PCCA: variants seen among roughly 807,000 people sequenced by gnomAD.
PCCA encodes propionyl-CoA carboxylase subunit alpha.
In PCCA, 74 loss-of-function variants were observed where a neutral mutation model predicts 101.3. That is an observed-to-expected ratio of 0.73 (90% CI 0.61 to 0.89). The LOEUF (loss-of-function observed/expected upper bound fraction) is 0.89. Ranked by LOEUF, PCCA falls within the 40% of genes least tolerant of loss-of-function variation. The probability of loss-of-function intolerance (pLI) is 0.00; values close to 1 mark genes in which losing one functional copy is unlikely to be tolerated. For missense variants in PCCA, 891 were observed against 907.0 expected (o/e 0.98, Z 0.23); for synonymous variants, 294 against 313.6 (o/e 0.94, Z 0.66).
chr13:100,452,932 G>A (rs1037366532), intron 21 of PCCA, among the ~76,000 whole-genome samples: 5 of 152,262 alleles, frequency 3.3e-5, no homozygotes, highest in Middle Eastern at 3.4e-3. Context: ...GGCCTGGCTC[G>A]GTGGCTCGTG....
At chr13:100,456,784 C>T (rs957973747) in intron 21 of PCCA, among the ~76,000 whole-genome samples, 6 of 152,140 alleles carry the variant, frequency 3.9e-5, no homozygotes, top group Admixed American at 1.3e-4. Flanking sequence ...CCAGGAGTTA[C>T]GGGAGGAACA....
At chr13:100,462,516 T>A (rs979687858) in intron 21 of PCCA, among the ~76,000 whole-genome samples, 3 of 152,196 alleles carry the variant, frequency 2.0e-5, no homozygotes, top group Admixed American at 6.5e-5. Flanking sequence ...TAGGCTTATA[T>A]AGTAGCAGAG....
At position 100,503,870 on chromosome 13, in the gene PCCA, T is replaced by C. The variant is rs577583307; in HGVS notation, c.1900-11557T>C. Among the ~76,000 whole-genome samples, 7 of 152,352 alleles carry C rather than the reference T, an allele frequency of 4.6e-5. 1 individual carries two copies. The highest frequency in any genetic ancestry group is 1.7e-4 in the African/African-American group (7 of 41,580). On this transcript the variant is annotated intron_variant, in intron 21 of 23. Transcript: ENST00000376285. ...CTGCAGTGAGCTGTGATCACACTAC[T>C]GCACTCCAGCCTGAGTGACAGAGTG...
intron 20 of PCCA, among the ~76,000 whole-genome samples, chr13:100,444,543 C>T (rs1441769752): frequency 2.0e-5 from 3 of 148,636 alleles, no homozygotes; most frequent in Admixed American, 1.3e-4. Context: ...CCCGGGTTCA[C>T]GCCATTCTCC....
chr13:100,196,450 G>C (rs2058107200), intron 6 of PCCA, among the ~76,000 whole-genome samples: 1 of 152,112 alleles, frequency 6.6e-6, no homozygotes, highest in African/African-American at 2.4e-5. Context: ...CTTAACTTCT[G>C]CCGACAGTTA....
At chr13:100,136,045 A>G (rs2152333219) in intron 4 of PCCA, among the ~76,000 whole-genome samples, 1 of 152,038 alleles carries the variant, frequency 6.6e-6, no homozygotes, top group Admixed American at 6.5e-5. Flanking sequence ...TTTTTTGTTA[A>G]GGATTTTTTA....
chr13:100,281,646 C>T (rs547920776), intron 12 of PCCA, among the ~76,000 whole-genome samples: 6 of 152,332 alleles, frequency 3.9e-5, no homozygotes, highest in African/African-American at 1.4e-4. Flanking sequence ...CTCCATACCA[C>T]ACTTTTATCA....
At chr13:100,416,534 G>A (rs1253506115) in intron 19 of PCCA, among the ~76,000 whole-genome samples, 1 of 150,694 alleles carries the variant, frequency 6.6e-6, no homozygotes, top group Non-Finnish European at 1.5e-5. Flanking sequence ...GTGTGTGTGT[G>A]TGTATGTATT....
intron 22 of PCCA, 63 bp downstream of exon 22, chr13:100,515,630 CG>C (rs1305127615): frequency 3.2e-6 from 5 of 1,580,648 alleles, no homozygotes; most frequent in Non-Finnish European, 4.3e-6. Flanking sequence ...TCCAAAGCGA[CG>C]GCTAACGGCA....
chr13:100,451,605 C>T (rs1047908934), intron 21 of PCCA, among the ~76,000 whole-genome samples: 40 of 151,946 alleles, frequency 2.6e-4, no homozygotes, highest in Admixed American at 6.6e-4. Context: ...AAACTGAGCT[C>T]GAAAAGTTTC....
At chr13:100,436,279 T>C (rs2079927864) in intron 20 of PCCA, among the ~76,000 whole-genome samples, 1 of 152,224 alleles carries the variant, frequency 6.6e-6, no homozygotes, top group Non-Finnish European at 1.5e-5. Flanking sequence ...GTCACACTCC[T>C]GTGCAAACAT....
At chr13:100,330,077 T>C (rs373495900) in intron 16 of PCCA, among the ~76,000 whole-genome samples, 230 of 152,262 alleles carry the variant, frequency 1.5e-3, no homozygotes, top group African/African-American at 5.1e-3. Flanking sequence ...CAACCACCAC[T>C]TCAAGCATCT....
chr13:100,175,018 C>T (rs2152421142), intron 6 of PCCA, among the ~76,000 whole-genome samples: 1 of 152,142 alleles, frequency 6.6e-6, no homozygotes, highest in Admixed American at 6.5e-5. Context: ...CTGTAAGTTG[C>T]AGATTAGATT....
chr13:100,166,902 A>T (rs1451885414), intron 6 of PCCA, among the ~76,000 whole-genome samples: 1 of 152,128 alleles, frequency 6.6e-6, no homozygotes, highest in Admixed American at 6.5e-5. Flanking sequence ...CCACATTCTT[A>T]CCACCCTTTA....
At chr13:100,422,142 T>C (rs9585437) in intron 19 of PCCA, among the ~76,000 whole-genome samples, 3 of 146,212 alleles carry the variant, frequency 2.1e-5, no homozygotes, top group Non-Finnish European at 3.0e-5. Context: ...TTTCTTTTTT[T>C]TTTTTTTTTT....
intron 19 of PCCA, among the ~76,000 whole-genome samples, chr13:100,395,356 G>A (rs1412713254): frequency 6.6e-6 from 1 of 152,156 alleles, no homozygotes; most frequent in African/African-American, 2.4e-5. Context: ...TCAGCACTGC[G>A]TAACTGTGGC....
chr13:100,513,077 G>A (rs553480184), intron 21 of PCCA, among the ~76,000 whole-genome samples: 14 of 152,336 alleles, frequency 9.2e-5, no homozygotes, highest in South Asian at 2.1e-4. Flanking sequence ...GGGCCCCTAC[G>A]CTGCACCCTG....
intron 1 of PCCA, among the ~76,000 whole-genome samples, chr13:100,100,498 T>G (rs1349976646): frequency 6.6e-6 from 1 of 152,256 alleles, no homozygotes; most frequent in African/African-American, 2.4e-5. Flanking sequence ...TGTTACATGC[T>G]TAACAAAAAC....
chr13:100,247,526 T>G (rs1254400730), intron 8 of PCCA, among the ~76,000 whole-genome samples: 4 of 148,674 alleles, frequency 2.7e-5, no homozygotes, highest in Non-Finnish European at 6.0e-5. Flanking sequence ...TTTTTTTTTT[T>G]TTTTTGAGAC....
Sources: gnomAD v4.1 joint callset for allele counts (sites outside exome capture counted in the v4.1 genomes callset) on GRCh38, gnomAD v4.1.1 for gene constraint, MANE v1.5 for transcripts, NCBI Gene and HGNC (gene_info 2026-07-23, HGNC 2026-07-21) for gene names.